Variants in TNIK observed in about 807,000 individuals in gnomAD.
The protein encoded by TNIK is TRAF2 and NCK interacting kinase.
In TNIK, 49 loss-of-function variants were observed where a neutral mutation model predicts 191.3. The ratio of observed to expected loss-of-function variants is 0.26; its 90% CI spans 0.20 to 0.32. The LOEUF (loss-of-function observed/expected upper bound fraction) is 0.32. Among genes scored for constraint, TNIK ranks in the 10% least tolerant of loss-of-function variants. The pLI, the probability that TNIK is intolerant of heterozygous loss-of-function variation, is 1.00. For synonymous variants in TNIK, 594 were observed against 600.9 expected (o/e 0.99, Z 0.17); for missense variants, 1,155 against 1,702.3 (o/e 0.68, Z 5.66).
At chr3:171,150,152 A>G (rs1163733886) in intron 12 of TNIK, among the ~76,000 whole-genome samples, 1 of 152,234 alleles carries the variant, frequency 6.6e-6, no homozygotes, top group Non-Finnish European at 1.5e-5. Context: ...CACCCTGGAA[A>G]GAGATGACCC....
At chr3:171,186,281 A>G (rs1442334685) in intron 7 of TNIK, among the ~76,000 whole-genome samples, 1 of 152,238 alleles carries the variant, frequency 6.6e-6, no homozygotes, top group African/African-American at 2.4e-5. Context: ...AAAGATCAGC[A>G]TCTTCTCTGG....
At chr3:171,384,433 A>G (rs1172383240) in intron 1 of TNIK, among the ~76,000 whole-genome samples, 2 of 152,364 alleles carry the variant, frequency 1.3e-5, no homozygotes, top group Admixed American at 6.5e-5. Context: ...AAATGCAGAA[A>G]TCTGGGCCCT....
At chr3:171,275,335 G>A (rs1180845199) in intron 2 of TNIK, among the ~76,000 whole-genome samples, 2 of 151,972 alleles carry the variant, frequency 1.3e-5, no homozygotes, top group African/African-American at 2.4e-5. Context: ...CAACAAGAAA[G>A]AATACAAATG....
chr3:171,268,113 C>T (rs1239915618), intron 2 of TNIK, among the ~76,000 whole-genome samples: 3 of 152,164 alleles, frequency 2.0e-5, no homozygotes, highest in Admixed American at 1.3e-4. Flanking sequence ...ATTTAAAATA[C>T]AACCCCTCCT....
At chr3:171,084,434 G>T in intron 25 of TNIK, 109 bp from the exon 26 acceptor site, 1 of 1,307,098 alleles carries the variant, frequency 7.7e-7, no homozygotes, top group Non-Finnish European at 1.0e-6. Flanking sequence ...TTATAGTAAA[G>T]GCAAGGAAAC....
At chr3:171,128,083 T>G (rs1183369042) in intron 16 of TNIK, among the ~76,000 whole-genome samples, 1 of 152,232 alleles carries the variant, frequency 6.6e-6, no homozygotes, top group African/African-American at 2.4e-5. Context: ...TTTTAATAGT[T>G]GTTCTCAAAC....
At chr3:171,211,843 C>T (rs375730148) in intron 3 of TNIK, among the ~76,000 whole-genome samples, 1 of 152,094 alleles carries the variant, frequency 6.6e-6, no homozygotes, top group East Asian at 1.9e-4. Flanking sequence ...TGTGGTGGTA[C>T]TGAGGATGTA....
intron 2 of TNIK, among the ~76,000 whole-genome samples, chr3:171,271,381 G>A (rs933786389): frequency 1.3e-5 from 2 of 152,144 alleles, no homozygotes. Context: ...TCATTTACAA[G>A]AAGATCCAGA....
intron 3 of TNIK, among the ~76,000 whole-genome samples, chr3:171,225,286 G>A (rs1252922294): frequency 6.6e-6 from 1 of 152,078 alleles, no homozygotes; most frequent in African/African-American, 2.4e-5. Context: ...TGTGTAAGGG[G>A]GTGATACAAA....
chr3:171,071,795 A>G (rs1195762045), intron 28 of TNIK, among the ~76,000 whole-genome samples: 2 of 152,218 alleles, frequency 1.3e-5, no homozygotes, highest in African/African-American at 4.8e-5. Context: ...ACCAAGTGAA[A>G]TAATTGCTTA....
intron 2 of TNIK, among the ~76,000 whole-genome samples, chr3:171,341,539 G>A (rs988653979): frequency 2.1e-4 from 25 of 121,368 alleles, no homozygotes; most frequent in Non-Finnish European, 3.6e-4. Flanking sequence ...TTTGCTGTAT[G>A]TAAATTTCAT....
intron 2 of TNIK, among the ~76,000 whole-genome samples, chr3:171,312,109 A>G (rs1056707286): frequency 8.4e-6 from 1 of 119,394 alleles, no homozygotes; most frequent in Admixed American, 8.6e-5. Flanking sequence ...CGGCAGCTCC[A>G]GATTAAAAAA....
chr3:171,081,396 C>T (rs764477806), intron 27 of TNIK, among the ~76,000 whole-genome samples: 18 of 151,586 alleles, frequency 1.2e-4, no homozygotes, highest in Non-Finnish European at 2.2e-4. Flanking sequence ...AATCCATGTT[C>T]TCAAACTTGG....
At chr3:171,368,363 G>A (rs1003558188) in intron 2 of TNIK, among the ~76,000 whole-genome samples, 1 of 152,156 alleles carries the variant, frequency 6.6e-6, no homozygotes. Context: ...TACTTCACAA[G>A]TTCAATCCAG....
intron 1 of TNIK, among the ~76,000 whole-genome samples, chr3:171,410,792 A>G (rs1279106534): frequency 1.3e-5 from 2 of 151,278 alleles, no homozygotes; most frequent in African/African-American, 4.9e-5. Flanking sequence ...AAAAAAAAAA[A>G]AAAAAAAAAA....
At chr3:171,401,247 C>G (rs1420573349) in intron 1 of TNIK, among the ~76,000 whole-genome samples, 2 of 152,136 alleles carry the variant, frequency 1.3e-5, no homozygotes, top group East Asian at 3.9e-4. Flanking sequence ...CCCAGTGATT[C>G]TTAACCAGGG....
intron 1 of TNIK, among the ~76,000 whole-genome samples, chr3:171,416,214 T>A (rs1723067744): frequency 6.6e-6 from 1 of 151,888 alleles, no homozygotes; most frequent in South Asian, 2.1e-4. Context: ...GATATGACAG[T>A]AAATTGGCAA....
Position 171,079,696 on chromosome 3 carries a change from TCTCA to T in TNIK, c.3314-48_3314-45del, listed in dbSNP as rs762802407. ...TTTAATTTCAAATTGCTGTGACAGC[TCTCA>T]CTTTTTCCTTCCCCACCTCCATTTA... On this transcript the variant is annotated intron_variant, in intron 27 of 32. Transcript: ENST00000436636. The T allele has an allele frequency of 2.6e-6, 4 of 1,554,658 alleles. No individual in the cohort carries two copies. The African/African-American group carries it at 4.1e-5, about 16-fold the overall frequency.
At chr3:171,376,134 A>G (rs1356333607) in intron 1 of TNIK, among the ~76,000 whole-genome samples, 1 of 152,218 alleles carries the variant, frequency 6.6e-6, no homozygotes, top group Non-Finnish European at 1.5e-5. Context: ...GCCCTAACTG[A>G]CAAGCATATG....
Sources: gnomAD v4.1 joint callset for allele counts (sites outside exome capture counted in the v4.1 genomes callset) on GRCh38, gnomAD v4.1.1 for gene constraint, MANE v1.5 for transcripts, NCBI Gene and HGNC (gene_info 2026-07-23, HGNC 2026-07-21) for gene names.